The following SUPT5H variants were observed in gnomAD, a reference collection of about 807,000 sequenced individuals.
SUPT5H encodes the protein transcription elongation factor SPT5.
Under a neutral mutation model 142.5 loss-of-function variants are expected in SUPT5H, and 24 were observed. The observed-to-expected ratio is 0.17, with a 90% CI of 0.12 to 0.24. SUPT5H has a LOEUF of 0.24. Ranked by LOEUF, SUPT5H falls within the 10% of genes least tolerant of loss-of-function variation. The pLI, the probability that SUPT5H is intolerant of heterozygous loss-of-function variation, is 1.00. For missense variants in SUPT5H, 893 were observed against 1,471.8 expected (o/e 0.61, Z 6.43); for synonymous variants, 546 against 553.0 (o/e 0.99, Z 0.18).
chr19:39,463,901 T>A (rs1393882487), intron 10 of SUPT5H, among the ~76,000 whole-genome samples: 1 of 152,248 alleles, frequency 6.6e-6, no homozygotes, highest in Admixed American at 6.5e-5. Context: ...ACAAAATGTT[T>A]TTTGTTGTCT....
chr19:39,474,604 A>G lies in SUPT5H; in HGVS notation c.2910A>G (p.Ser970=), dbSNP rs1232466058. 1 of 1,614,234 alleles carries G rather than the reference A, an allele frequency of 6.2e-7. No individual in the cohort carries two copies. The highest frequency in any genetic ancestry group is 8.5e-7 in the Non-Finnish European group (1 of 1,180,026). The change falls in exon 28 of 30, where the codon TCA becomes TCG. Residue 970 remains serine (S), a synonymous_variant. Transcript: ENST00000432763. This position sits in a 1 kb window ranked among gnomAD's most constrained non-coding sequence, Gnocchi z 6.5. ...PGGYNPHTPG[S]GIEQNSSDWV... is the part of the protein sequence containing the mutation. ...GCTACAACCCACACACGCCAGGCTC[A>G]GGCATCGAGCAGAACTCCAGCGACT... is the stretch of plus-strand genomic sequence containing the variant.
Position 39,466,892 on chromosome 19 carries a change from T to G in SUPT5H, c.1037+147T>G. 1.4e-6 allele frequency: 1 copy of G among 704,486 alleles called. No homozygotes were observed. Among genetic ancestry groups the G allele is most frequent in the South Asian group, 1.7e-5 (1 of 60,130 alleles). 43.6% of individuals were successfully genotyped at this position (704,486 alleles called of 1,614,324 possible). A position where few individuals can be genotyped will look rare whatever the true frequency, so the allele number is the denominator to read the frequency against. The stretch of plus-strand genomic sequence containing the variant: ...GGCAGTATAGCCTCAGGCAAGTCAC[T>G]TCACATCCCTGTGCCTCAGTTTCTT... On this transcript the variant is annotated intron_variant, in intron 13 of 29. Coordinates refer to ENST00000432763, the MANE Select transcript of SUPT5H (RefSeq NM_001111020.3). The surrounding 1 kb of genome is among the most constrained non-coding windows in gnomAD (Gnocchi z 4.3).
Position 39,445,652 on chromosome 19 carries a change from A to C in SUPT5H, c.-88+15A>C, listed in dbSNP as rs2078942987. On this transcript the variant is annotated intron_variant, in intron 1 of 29. Transcript: ENST00000432763. ...GAGCCCGAGAGGTAAGTGCGTGTGC[A>C]GAGGTGGCAGTTCCGGGCGCCGGGG... The C allele has an allele frequency of 3.6e-6, 2 of 557,852 alleles. No individual in the cohort carries two copies. The highest frequency in any genetic ancestry group is 6.5e-6 in the Non-Finnish European group (2 of 309,370). The allele number at this position is 557,852 out of a possible 1,614,324, so 34.6% of individuals were successfully genotyped here. A position where few individuals can be genotyped will look rare whatever the true frequency, so the allele number is the denominator to read the frequency against.
Position 39,470,594 on chromosome 19 carries a change from GGAGGTGGCA to G in SUPT5H, c.1677+75_1677+83del. On this transcript the variant is annotated intron_variant, in intron 18 of 29. Coordinates refer to ENST00000432763, the MANE Select transcript of SUPT5H (RefSeq NM_001111020.3). The surrounding 1 kb of genome is among the most constrained non-coding windows in gnomAD (Gnocchi z 5.8). ...TCCTGTCCCTCAACCCCTCATCCTG[GGAGGTGGCA>G]GAGCCCCCAGACTGCTCTGGGTTGC... The G allele has an allele frequency of 6.9e-6, 10 of 1,447,424 alleles. No homozygotes were observed. The highest frequency in any genetic ancestry group is 9.1e-6 in the Non-Finnish European group (10 of 1,094,912). The allele number at this position is 1,447,424 out of a possible 1,614,324, so 89.7% of individuals were successfully genotyped here. A position where few individuals can be genotyped will look rare whatever the true frequency, so the allele number is the denominator to read the frequency against.
rs539048710 is a variant in SUPT5H, at chr19:39,448,539, C to G, written c.75+2574C>G. On this transcript the variant is annotated intron_variant, in intron 2 of 29. Coordinates refer to ENST00000432763, the MANE Select transcript of SUPT5H (RefSeq NM_001111020.3). ...TTGCACTGTTACTAGTCTCACTTCC[C>G]CAACACTACACCATACTTGACCCCC... 2.7e-3 allele frequency among the ~76,000 whole-genome samples: 416 copies of G among 151,312 alleles called. 3 individuals are homozygous for G. Among genetic ancestry groups the G allele is most frequent in the Non-Finnish European group, 4.8e-3 (326 of 68,028 alleles).
intron 10 of SUPT5H, among the ~76,000 whole-genome samples, chr19:39,460,324 A>G (rs1370729403): frequency 6.6e-6 from 1 of 152,248 alleles, no homozygotes; most frequent in Non-Finnish European, 1.5e-5. Context: ...TCCAAGGCCC[A>G]GGTCTTTCTT....
chr19:39,448,421 G>C (rs2078979646), intron 2 of SUPT5H, among the ~76,000 whole-genome samples: 2 of 152,172 alleles, frequency 1.3e-5, no homozygotes, highest in African/African-American at 4.8e-5. Context: ...CTTGGTCTCT[G>C]ATTCATGGCT....
chr19:39,471,126 G>T (rs1490597173), intron 18 of SUPT5H, among the ~76,000 whole-genome samples: 1 of 152,126 alleles, frequency 6.6e-6, no homozygotes, highest in Admixed American at 6.5e-5. Flanking sequence ...CCCAATCGGG[G>T]GTGGAGTCTC....
chr19:39,467,488 G>A (rs753038323), intron 13 of SUPT5H: 1 of 152,236 alleles, frequency 6.6e-6, no homozygotes. Context: ...CGTAGTAAGT[G>A]TGATCCATGG....
chr19:39,457,757 C>G lies in SUPT5H; in HGVS notation c.307+17C>G, dbSNP rs1394736824. On this transcript the variant is annotated intron_variant, in intron 4 of 29. Coordinates refer to ENST00000432763, the MANE Select transcript of SUPT5H (RefSeq NM_001111020.3). The stretch of plus-strand genomic sequence containing the variant: ...TAGAGAAAGGTGTGTGTGAGCCCTG[C>G]CTCCACAAGACTACTGGGAAGAGGG... 4 of 1,614,060 alleles carry G rather than the reference C, an allele frequency of 2.5e-6. No individual in the cohort carries two copies. Among genetic ancestry groups the G allele is most frequent in the Non-Finnish European group, 3.4e-6 (4 of 1,179,990 alleles).
chr19:39,468,458 C>T, intron 13 of SUPT5H: 1 of 454,518 alleles, frequency 2.2e-6, no homozygotes, highest in South Asian at 2.6e-5. Flanking sequence ...GTGAATGTTA[C>T]ATCCCTGACC....
In SUPT5H at chr19:39,470,723, T is replaced by C. The variant is rs371157919; in HGVS notation, c.1677+200T>C. The stretch of plus-strand genomic sequence containing the variant: ...TTGCCTGTTTTCACACCCTATAAAA[T>C]GGAAACGAGAGCAGCGTCTACTTTG... On this transcript the variant is annotated intron_variant, in intron 18 of 29. Transcript: ENST00000432763. The surrounding 1 kb of genome is among the most constrained non-coding windows in gnomAD (Gnocchi z 5.8). Among the ~76,000 whole-genome samples, 6 of 152,246 alleles carry C rather than the reference T, an allele frequency of 3.9e-5. No individual in the cohort carries two copies. The East Asian group carries it at 5.8e-4, about 15-fold the overall frequency.
At position 39,451,661 on chromosome 19, in the gene SUPT5H, A is replaced by G. The variant is rs531842241; in HGVS notation, c.76-1695A>G. Among the ~76,000 whole-genome samples, 3 of 152,224 alleles carry G rather than the reference A, an allele frequency of 2.0e-5. No homozygotes were observed. The East Asian group carries it at 5.8e-4, about 29-fold the overall frequency. The stretch of plus-strand genomic sequence containing the variant: ...ATTCTCCTACCTCAGCCTCCTGAGT[A>G]GCTGGGAGTACAGGTGCCCACCACC... On this transcript the variant is annotated intron_variant, in intron 2 of 29. Transcript: ENST00000432763.
At chr19:39,451,465 C>T (rs1383304139) in intron 2 of SUPT5H, among the ~76,000 whole-genome samples, 1 of 152,098 alleles carries the variant, frequency 6.6e-6, no homozygotes, top group Admixed American at 6.6e-5. Context: ...CCAGCCTGAG[C>T]ATGACCTTTG....
intron 10 of SUPT5H, 138 bp downstream of exon 10, chr19:39,460,098 G>A: frequency 5.0e-6 from 4 of 806,016 alleles, no homozygotes; most frequent in Non-Finnish European, 8.3e-6. Flanking sequence ...GCTGGAATAA[G>A]ACCACTGCCT....
Position 39,469,526 on chromosome 19 carries a change from A to G in SUPT5H, c.1374+128A>G. 7.4e-7 allele frequency: 1 copy of G among 1,360,434 alleles called. No homozygotes were observed. The highest frequency in any genetic ancestry group is 1.4e-5 in the South Asian group (1 of 73,950). 84.3% of individuals were successfully genotyped at this position (1,360,434 alleles called of 1,614,324 possible). ...GAGGGTAAGTTGAGGCCCTTCTAGC[A>G]TTCTCAGGTGCCTGAGAGGCTCTGT... On this transcript the variant is annotated intron_variant, in intron 16 of 29. Coordinates refer to ENST00000432763, the MANE Select transcript of SUPT5H (RefSeq NM_001111020.3). This position sits in a 1 kb window ranked among gnomAD's most constrained non-coding sequence, Gnocchi z 5.1.
At chr19:39,449,415 G>A (rs1026599626) in intron 2 of SUPT5H, among the ~76,000 whole-genome samples, 14 of 152,130 alleles carry the variant, frequency 9.2e-5, no homozygotes, top group Non-Finnish European at 1.6e-4. Context: ...TGGGCTAGTC[G>A]AGATTTGTGT....
intron 11 of SUPT5H, among the ~76,000 whole-genome samples, chr19:39,465,744 GC>G (rs1331790025): frequency 6.6e-6 from 1 of 152,192 alleles, no homozygotes; most frequent in Non-Finnish European, 1.5e-5. Context: ...CCTGGAGGGG[GC>G]CATGGGCAAG....
Position 39,470,021 on chromosome 19 carries a change from G to T in SUPT5H, c.1375-98G>T. 6.7e-7 allele frequency: 1 copy of T among 1,498,050 alleles called. No homozygotes were observed. The highest frequency in any genetic ancestry group is 2.3e-5 in the East Asian group (1 of 42,686). The allele number at this position is 1,498,050 out of a possible 1,614,324, so 92.8% of individuals were successfully genotyped here. On this transcript the variant is annotated intron_variant, in intron 16 of 29. Coordinates refer to ENST00000432763, the MANE Select transcript of SUPT5H (RefSeq NM_001111020.3). This position sits in a 1 kb window ranked among gnomAD's most constrained non-coding sequence, Gnocchi z 5.8. The stretch of plus-strand genomic sequence containing the variant: ...GTGGGTGGTAAGAGCCTGAAGTGGG[G>T]TTTTTGAGAACATGCGTAGATTCTG...
Sources: allele counts gnomAD v4.1 joint callset (sites outside exome capture counted in the v4.1 genomes callset), GRCh38; gene constraint gnomAD v4.1.1; non-coding constraint Gnocchi (gnomAD v3.1); transcripts MANE v1.5; gene names NCBI Gene and HGNC (gene_info 2026-07-23, HGNC 2026-07-21).